The following LGALS3 variants were observed in gnomAD, a reference collection of about 807,000 sequenced individuals.
LGALS3 encodes the protein galectin 3, also known as galectin-3.
A neutral mutation model predicts 20.7 loss-of-function variants in LGALS3; 18 were observed. The observed-to-expected ratio is 0.87, with a 90% CI of 0.60 to 1.29. LGALS3 has a LOEUF of 1.29. Among genes scored for constraint, LGALS3 ranks in the 50% most tolerant of loss-of-function variants. LGALS3 has a pLI of 0.00. For missense variants in LGALS3, 315 were observed against 314.7 expected (o/e 1.00, Z -0.01); for synonymous variants, 112 against 119.6 (o/e 0.94, Z 0.42).
At chr14:55,139,140 T>C (rs544936710) in intron 3 of LGALS3, among the ~76,000 whole-genome samples, 1 of 152,198 alleles carries the variant, frequency 6.6e-6, no homozygotes, top group East Asian at 1.9e-4. Flanking sequence ...TGAGAGGGCC[T>C]ATACCAGAGA....
At chr14:55,134,233 A>G (rs1881315112) in intron 1 of LGALS3, among the ~76,000 whole-genome samples, 1 of 152,104 alleles carries the variant, frequency 6.6e-6, no homozygotes, top group Admixed American at 6.5e-5. Flanking sequence ...CACAAGTTGG[A>G]GTGTGGTATG....
chr14:55,129,462 G>C lies in LGALS3; in HGVS notation c.-5+162G>C, dbSNP rs1881162382. Among the ~76,000 whole-genome samples the C allele has an allele frequency of 6.6e-6, 1 of 152,118 alleles. No individual in the cohort carries two copies. Among genetic ancestry groups the C allele is most frequent in the Admixed American group, 6.5e-5 (1 of 15,288 alleles). Reference sequence around the variant, plus strand: ...CTGTGCTCTGCCCTCCAGGAGCGGGGCGGCGGGCAGCGATCTGGGCCCGGG... The same window carrying C: ...CTGTGCTCTGCCCTCCAGGAGCGGGCCGGCGGGCAGCGATCTGGGCCCGGG... On this transcript the variant is annotated intron_variant, in intron 1 of 5. Transcript: ENST00000254301. The surrounding 1 kb of genome is among the most constrained non-coding windows in gnomAD (Gnocchi z 5.3).
intron 4 of LGALS3, 112 bp downstream of exon 4, chr14:55,140,475 G>A (rs1881582823): frequency 4.8e-6 from 3 of 625,488 alleles, no homozygotes; most frequent in Non-Finnish European, 8.3e-6. Context: ...TTGAATTTTA[G>A]TAAAATTTTA....
chr14:55,138,442 T>G (rs1881502239), intron 3 of LGALS3, 74 bp downstream of exon 3: 3 of 1,508,208 alleles, frequency 2.0e-6, no homozygotes, highest in Non-Finnish European at 2.7e-6. Context: ...TTAAAGCTGC[T>G]GCTTAGAGCC....
chr14:55,140,234 C>T lies in LGALS3; in HGVS notation c.343-41C>T, dbSNP rs200234222. The T allele has an allele frequency of 2.6e-4, 339 of 1,313,450 alleles. 2 individuals are homozygous for T. In the Middle Eastern group the frequency reaches 9.7e-3, roughly 38 times the overall value. The allele number at this position is 1,313,450 out of a possible 1,614,324, so 81.4% of individuals were successfully genotyped here. On this transcript the variant is annotated intron_variant, in intron 3 of 5. Coordinates refer to ENST00000254301, the MANE Select transcript of LGALS3 (RefSeq NM_002306.4). ...CAACATCGTTTTTTCCCCAAAGAAA[C>T]ATGACTCCTTATTGACACATATGTA...
At chr14:55,137,673 C>T in intron 2 of LGALS3, 1 of 1,411,776 alleles carries the variant, frequency 7.1e-7, no homozygotes, top group Non-Finnish European at 9.2e-7. Context: ...GCTGAGAAAT[C>T]CTCTGAGTAG....
Position 55,138,314 on chromosome 14 carries a change from T to A in LGALS3, c.288T>A (p.Ser96Arg). The A allele has an allele frequency of 1.2e-6, 2 of 1,612,484 alleles. No individual in the cohort carries two copies. Among genetic ancestry groups the A allele is most frequent in the Non-Finnish European group, 1.7e-6 (2 of 1,179,744 alleles). Reference protein sequence around the residue: ...PGAYPSSGQPSATGAYPATGP... With the variant: ...PGAYPSSGQPRATGAYPATGP... ...CCTACCCATCTTCTGGACAGCCAAG[T>A]GCCACCGGAGCCTACCCTGCCACTG... is the stretch of plus-strand genomic sequence containing the variant. The change falls in exon 3 of 6, where the codon AGT (serine) becomes AGA (arginine). Residue 96 changes from serine to arginine, a missense_variant. Transcript: ENST00000254301.
At chr14:55,141,963 G>T (rs951927583) in intron 4 of LGALS3, among the ~76,000 whole-genome samples, 6 of 152,138 alleles carry the variant, frequency 3.9e-5, no homozygotes, top group African/African-American at 1.4e-4. Flanking sequence ...GAAGGAACAG[G>T]GTCAAAAAGC....
intron 4 of LGALS3, among the ~76,000 whole-genome samples, chr14:55,142,150 G>C (rs138609366): frequency 9.4e-4 from 143 of 152,340 alleles, no homozygotes; most frequent in African/African-American, 3.0e-3. Context: ...TTTGATGGCT[G>C]TTAACTATAT....
chr14:55,132,072 G>C (rs551823886), intron 1 of LGALS3, among the ~76,000 whole-genome samples: 1 of 152,320 alleles, frequency 6.6e-6, no homozygotes, highest in South Asian at 2.1e-4. Flanking sequence ...AGTGTTCCTG[G>C]GAACCCAGAC....
chr14:55,138,042 C>T lies in LGALS3; in HGVS notation c.19-3C>T, dbSNP rs1881466722. The T allele has an allele frequency of 2.7e-6, 4 of 1,492,612 alleles. No homozygotes were observed. The African/African-American group carries it at 5.6e-5, about 21-fold the overall frequency. The allele number at this position is 1,492,612 out of a possible 1,614,324, so 92.5% of individuals were successfully genotyped here. A position where few individuals can be genotyped will look rare whatever the true frequency, so the allele number is the denominator to read the frequency against. On this transcript the variant is annotated splice_region_variant and splice_polypyrimidine_tract_variant and intron_variant, in intron 2 of 5. Coordinates refer to ENST00000254301, the MANE Select transcript of LGALS3 (RefSeq NM_002306.4). ...CCGTAATTGTGTATGTCTTTCTTTC[C>T]AGCTCCATGATGCGTTATCTGGGTC...
intron 5 of LGALS3, 114 bp downstream of exon 5, chr14:55,142,863 C>A: frequency 3.9e-6 from 3 of 770,264 alleles, no homozygotes; most frequent in South Asian, 3.9e-5. Flanking sequence ...AGGTGCCTAA[C>A]CAGTTTATCT....
intron 2 of LGALS3, 125 bp downstream of exon 2, chr14:55,137,516 G>C: frequency 6.3e-7 from 1 of 1,596,500 alleles, no homozygotes; most frequent in Non-Finnish European, 8.5e-7. Flanking sequence ...GGACTCATTT[G>C]TCCAATGAGG....
At chr14:55,130,554 T>G (rs1881196552) in intron 1 of LGALS3, among the ~76,000 whole-genome samples, 1 of 147,348 alleles carries the variant, frequency 6.8e-6, no homozygotes. Flanking sequence ...CTGATTTGTT[T>G]ACCTAAGGTT....
intron 3 of LGALS3, chr14:55,138,595 C>T: frequency 3.1e-6 from 2 of 647,124 alleles, no homozygotes; most frequent in Admixed American, 4.6e-5. Context: ...GAATATAAAT[C>T]AAGATTGTAG....
intron 1 of LGALS3, among the ~76,000 whole-genome samples, chr14:55,130,658 C>T (rs1200929965): frequency 6.8e-6 from 1 of 147,796 alleles, no homozygotes; most frequent in Non-Finnish European, 1.5e-5. Flanking sequence ...CTACCGGGTT[C>T]AAGCGATTCT....
intron 2 of LGALS3, 56 bp from the exon 3 acceptor site, chr14:55,137,989 A>G (rs1881463738): frequency 2.1e-6 from 3 of 1,457,102 alleles, no homozygotes; most frequent in Non-Finnish European, 2.7e-6. Flanking sequence ...TTTTCCTGAA[A>G]ATTCTGCTTT....
intron 3 of LGALS3, 91 bp from the exon 4 acceptor site, chr14:55,140,184 C>A: frequency 1.2e-6 from 1 of 803,326 alleles, no homozygotes; most frequent in South Asian, 1.6e-5. Context: ...GTTTTTCACA[C>A]ATATTAATAG....
intron 1 of LGALS3, chr14:55,137,157 G>A (rs1464150994): frequency 1.4e-5 from 9 of 622,774 alleles, no homozygotes; most frequent in Admixed American, 1.0e-4. Context: ...CTAGTGTGAC[G>A]GAAGTTTAAA....
Sources: gnomAD v4.1 joint callset for allele counts (sites outside exome capture counted in the v4.1 genomes callset) on GRCh38, gnomAD v4.1.1 for gene constraint, Gnocchi (gnomAD v3.1) non-coding constraint, MANE v1.5 for transcripts, NCBI Gene and HGNC (gene_info 2026-07-23, HGNC 2026-07-21) for gene names.